ZNF492: variants seen among roughly 807,000 people sequenced by gnomAD.
ZNF492 encodes zinc finger protein 492, also known as zinc finger protein 115 (Y20).
Under a neutral mutation model 6.4 loss-of-function variants are expected in ZNF492, and 3 were observed. The ratio of observed to expected loss-of-function variants is 0.47; its 90% CI spans 0.21 to 1.22. ZNF492 has a LOEUF of 1.22. Ranked by LOEUF, ZNF492 falls within the 50% of genes most tolerant of loss-of-function variation. The probability of loss-of-function intolerance (pLI) is 0.22; values close to 1 mark genes in which losing one functional copy is unlikely to be tolerated. For missense variants in ZNF492, 356 were observed against 612.5 expected (o/e 0.58, Z 4.42); for synonymous variants, 112 against 205.3 (o/e 0.55, Z 3.89).
chr19:22,652,459 AAC>A (rs1420947475), intron 1 of ZNF492, among the ~76,000 whole-genome samples: 15 of 151,560 alleles, frequency 9.9e-5, no homozygotes, highest in Non-Finnish European at 2.2e-4. Context: ...AAAACTGAAA[AAC>A]ACACAGGCTT....
chr19:22,659,939 TACA>T (rs1391246900), intron 3 of ZNF492, among the ~76,000 whole-genome samples: 8 of 152,176 alleles, frequency 5.3e-5, no homozygotes, highest in African/African-American at 1.9e-4. Context: ...GTGCTGGGAT[TACA>T]GGCGTGAGCC....
At position 22,664,260 on chromosome 19, in the gene ZNF492, C is replaced by G; in HGVS notation, c.591C>G (p.Tyr197Ter). Residue 197 changes from tyrosine to a stop codon, truncating the protein, a stop_gained, in exon 4 of 4, where the codon TAC (tyrosine) becomes TAG (stop). Transcript: ENST00000456783. LOFTEE classifies it low-confidence loss of function (END_TRUNC). Reference sequence around the variant, plus strand: ...GAATTCATACTGGAAAGAAACCCTACAAATGCGAAGAGTGTGGAAAAGCCT... The same window carrying G: ...GAATTCATACTGGAAAGAAACCCTAGAAATGCGAAGAGTGTGGAAAAGCCT... ...HKRIHTGKKP[Y>*]KCEECGKAFN... 6.2e-7 allele frequency: 1 copy of G among 1,604,416 alleles called. No homozygotes were observed.
At chr19:22,651,507 A>G (rs1326257457) in intron 1 of ZNF492, among the ~76,000 whole-genome samples, 2 of 152,108 alleles carry the variant, frequency 1.3e-5, no homozygotes, top group Non-Finnish European at 2.9e-5. Flanking sequence ...GAGTTTAACT[A>G]CTTTTTAGTT....
At chr19:22,637,367 T>C (rs1053159104) in intron 1 of ZNF492, among the ~76,000 whole-genome samples, 3 of 152,028 alleles carry the variant, frequency 2.0e-5, no homozygotes, top group African/African-American at 7.2e-5. Flanking sequence ...CTCAGCTTAC[T>C]GCAGCCTTAA....
At chr19:22,659,260 A>G (rs1372032423) in intron 3 of ZNF492, among the ~76,000 whole-genome samples, 1 of 150,054 alleles carries the variant, frequency 6.7e-6, no homozygotes, top group Non-Finnish European at 1.5e-5. Flanking sequence ...TTCAGTTTTA[A>G]AAAAACTGGT....
chr19:22,652,221 C>CTTTTTTTTTTTTTTTTTTTTT lies in ZNF492; in HGVS notation c.-93-1069_-93-1068insTTTTTTTTTTTTTTTTTTTTT, dbSNP rs59051481. Among the ~76,000 whole-genome samples the CTTTTTTTTTTTTTTTTTTTTT allele has an allele frequency of 1.4e-4, 15 of 105,472 alleles. 1 individual carries two copies. Among genetic ancestry groups the CTTTTTTTTTTTTTTTTTTTTT allele is most frequent in the African/African-American group, 7.9e-4 (14 of 17,624 alleles). The allele number at this position is 105,472 out of a possible 152,430, so 69.2% of individuals were successfully genotyped here. Reference sequence around the variant, plus strand: ...AATCTGGCAGCTGACCTTTCTTAGGCTTTTTTTTTTTTTTTTTGAGACGGA... The same window carrying CTTTTTTTTTTTTTTTTTTTTT: ...AATCTGGCAGCTGACCTTTCTTAGGCTTTTTTTTTTTTTTTTTTTTTTTTTTTTTTTTTTTTTTGAGACGGA... On this transcript the variant is annotated intron_variant, in intron 1 of 3. Coordinates refer to ENST00000456783, the MANE Select transcript of ZNF492 (RefSeq NM_020855.3).
At chr19:22,661,443 A>T (rs1972057675) in intron 3 of ZNF492, among the ~76,000 whole-genome samples, 1 of 152,196 alleles carries the variant, frequency 6.6e-6, no homozygotes, top group South Asian at 2.1e-4. Flanking sequence ...AAAAAAAGCT[A>T]CCTGTCACAG....
intron 3 of ZNF492, among the ~76,000 whole-genome samples, chr19:22,658,165 C>G (rs1048161906): frequency 1.3e-5 from 2 of 152,034 alleles, no homozygotes; most frequent in Non-Finnish European, 2.9e-5. Flanking sequence ...TGGTTCACGT[C>G]TGTAATCCCC....
chr19:22,634,487 G>A lies in ZNF492; in HGVS notation c.-94+13G>A, dbSNP rs537430786. The A allele has an allele frequency of 1.4e-5, 19 of 1,381,496 alleles. No homozygotes were observed. In the Middle Eastern group the frequency reaches 5.6e-4, roughly 40 times the overall value. 85.6% of individuals were successfully genotyped at this position (1,381,496 alleles called of 1,614,324 possible). ...AAGCCTAGAAACGGTGAGAGTGCCG[G>A]GTCCGACATCCCGAGAGAGGGGAAG... On this transcript the variant is annotated intron_variant, in intron 1 of 3. Coordinates refer to ENST00000456783, the MANE Select transcript of ZNF492 (RefSeq NM_020855.3).
At chr19:22,645,479 A>C (rs1599396380) in intron 1 of ZNF492, among the ~76,000 whole-genome samples, 1 of 152,088 alleles carries the variant, frequency 6.6e-6, no homozygotes, top group African/African-American at 2.4e-5. Context: ...TTGCCTGTTC[A>C]CTCTGCTGAT....
intron 3 of ZNF492, among the ~76,000 whole-genome samples, chr19:22,656,824 G>A (rs4088020): frequency 2.0e-5 from 3 of 152,076 alleles, no homozygotes; most frequent in Non-Finnish European, 2.9e-5. Context: ...GAGTTTCACA[G>A]CTCCCTCCGT....
chr19:22,653,542 T>C (rs1251240596), intron 2 of ZNF492, 109 bp downstream of exon 2: 12 of 1,428,020 alleles, frequency 8.4e-6, no homozygotes, highest in Non-Finnish European at 1.0e-5. Flanking sequence ...TGTTTTTTGT[T>C]TTTAACTTCA....
chr19:22,652,131 T>C lies in ZNF492; in HGVS notation c.-93-1176T>C, dbSNP rs1328488637. ...CTGTGACAGATTTTTTTCTATAGAG[T>C]TAATTATTTTTCTCTTCATTACTGA... On this transcript the variant is annotated intron_variant, in intron 1 of 3. Transcript: ENST00000456783. Among the ~76,000 whole-genome samples, 3 of 150,896 alleles carry C rather than the reference T, an allele frequency of 2.0e-5. No individual in the cohort carries two copies. In the East Asian group the frequency reaches 5.8e-4, roughly 29 times the overall value.
chr19:22,649,786 C>T (rs1971921225), intron 1 of ZNF492, among the ~76,000 whole-genome samples: 2 of 152,066 alleles, frequency 1.3e-5, no homozygotes, highest in South Asian at 4.2e-4. Flanking sequence ...TTCTTAGCTC[C>T]GTCAGGTCAT....
rs376895224 is a variant in ZNF492, at chr19:22,665,251, G to A, written c.1582G>A (p.Ala528Thr). 5 of 1,571,524 alleles carry A rather than the reference G, an allele frequency of 3.2e-6. No individual in the cohort carries two copies. In the East Asian group the frequency reaches 6.9e-5, roughly 22 times the overall value. Residue 528 changes from alanine to threonine, a missense_variant, in exon 4 of 4, where the codon GCT (alanine) becomes ACT (threonine). By Grantham distance (58) the Ala-to-Thr change is moderately conservative. This residue lies in a region of ZNF492 where 81 missense variants were observed against 115.4 expected (regional missense o/e 0.70). Coordinates refer to ENST00000456783, the MANE Select transcript of ZNF492 (RefSeq NM_020855.3). ...GATTTCCAAATATAAAAGAAATTGT[G>A]CTGGTGAGAAATAATAGAAATATGA... ...AKISKYKRNC[A>T]GEK
At chr19:22,658,343 G>A (rs1197059155) in intron 3 of ZNF492, among the ~76,000 whole-genome samples, 3 of 151,602 alleles carry the variant, frequency 2.0e-5, no homozygotes, top group Non-Finnish European at 4.4e-5. Context: ...GAACCTGGAA[G>A]TTTGAGGCTG....
At chr19:22,634,678 C>T (rs1971741884) in intron 1 of ZNF492, among the ~76,000 whole-genome samples, 1 of 152,170 alleles carries the variant, frequency 6.6e-6, no homozygotes, top group Non-Finnish European at 1.5e-5. Flanking sequence ...CGTCCTGTCT[C>T]TTCCCTGCGC....
chr19:22,643,792 C>G (rs1568352738), intron 1 of ZNF492, among the ~76,000 whole-genome samples: 1 of 151,980 alleles, frequency 6.6e-6, no homozygotes, highest in Non-Finnish European at 1.5e-5. Context: ...TCATGTGACT[C>G]TAAGTTGTGG....
intron 1 of ZNF492, among the ~76,000 whole-genome samples, chr19:22,640,638 T>A (rs1971817001): frequency 6.6e-6 from 1 of 152,186 alleles, no homozygotes; most frequent in Non-Finnish European, 1.5e-5. Flanking sequence ...CTCTGTCAGG[T>A]TTTGGTATCA....
Sources: allele counts gnomAD v4.1 joint callset (sites outside exome capture counted in the v4.1 genomes callset), GRCh38; gene constraint gnomAD v4.1.1; regional missense constraint gnomAD v4.1.1; transcripts MANE v1.5; gene names NCBI Gene and HGNC (gene_info 2026-07-23, HGNC 2026-07-21).